ITPR1: variants seen among roughly 807,000 people sequenced by gnomAD.
The protein encoded by ITPR1 is inositol 1,4,5-trisphosphate receptor type 1.
ITPR1 carries 96 observed loss-of-function variants against 318.4 expected under a neutral mutation model. That is an observed-to-expected ratio of 0.30 (90% CI 0.26 to 0.36). The LOEUF (loss-of-function observed/expected upper bound fraction) is 0.36. ITPR1 is among the 10% of genes least tolerant of loss of function. The pLI is 1.00. For missense variants in ITPR1, 2,440 were observed against 3,460.2 expected, an observed-to-expected ratio of 0.71 and a Z score of 7.40; for synonymous variants, 1,312 against 1,289.9, an observed-to-expected ratio of 1.02 and a Z score of -0.37.
chr3:4,814,351 A>T, intron 57 of ITPR1, 72 bp from the exon 58 acceptor site: 1 of 1,495,438 alleles, frequency 6.7e-7, no homozygotes, highest in Non-Finnish European at 9.3e-7. Flanking sequence ...CATTCAGGAA[A>T]CAGGATTTCA....
At chr3:4,621,713 T>C (rs1361358577) in intron 4 of ITPR1, among the ~76,000 whole-genome samples, 1 of 152,244 alleles carries the variant, frequency 6.6e-6, no homozygotes, top group Non-Finnish European at 1.5e-5. Context: ...CTTCTGCAGC[T>C]CTAGCCTTTG....
At chr3:4,495,139 A>G (rs1331870305) in intron 2 of ITPR1, among the ~76,000 whole-genome samples, 3 of 152,142 alleles carry the variant, frequency 2.0e-5, no homozygotes, top group Non-Finnish European at 4.4e-5. Context: ...TAAACACAAC[A>G]GTTCCTATTT....
intron 4 of ITPR1, among the ~76,000 whole-genome samples, chr3:4,540,019 A>T (rs2084282020): frequency 6.6e-6 from 1 of 150,490 alleles, no homozygotes; most frequent in African/African-American, 2.4e-5. Context: ...ACTTACAGTG[A>T]ATTTTACTAT....
At chr3:4,625,754 T>TTAC in intron 4 of ITPR1, among the ~76,000 whole-genome samples, 1 of 152,226 alleles carries the variant, frequency 6.6e-6, no homozygotes, top group East Asian at 1.9e-4. Context: ...AGGCGGGGTT[T>TTAC]CACCATGTTA....
chr3:4,678,205 A>T (rs2094223020), intron 24 of ITPR1, among the ~76,000 whole-genome samples: 1 of 152,202 alleles, frequency 6.6e-6, no homozygotes, highest in Non-Finnish European at 1.5e-5. Flanking sequence ...AAGACAGCTT[A>T]AGTAAAGGAG....
rs1456021341 is a variant in ITPR1 at position 4,814,456 on chromosome 3, A to T, written c.7595A>T (p.Lys2532Ile). 6.2e-7 allele frequency: 1 copy of T among 1,613,970 alleles called. No individual in the cohort carries two copies. The highest frequency in any genetic ancestry group is 1.1e-5 in the South Asian group (1 of 91,078). Residue 2532 changes from lysine to isoleucine, a missense_variant, in exon 58 of 62, where the codon AAA becomes ATA. Lys to Ile is a moderately radical substitution (Grantham distance 102). Coordinates refer to ENST00000649015, the MANE Select transcript of ITPR1 (RefSeq NM_001378452.1). ...LVPAEETEQDKEHTCETLLMC... is the reference protein window; with the variant it reads ...LVPAEETEQDIEHTCETLLMC... ...CCTGCAGAAGAGACGGAACAGGATA[A>T]AGAGCACACATGTGAGACGCTGCTG...
At chr3:4,649,313 A>T (rs1169823784) in intron 10 of ITPR1, among the ~76,000 whole-genome samples, 2 of 152,192 alleles carry the variant, frequency 1.3e-5, no homozygotes, top group Non-Finnish European at 2.9e-5. Flanking sequence ...ATTTCATAGG[A>T]AGACGTTGAA....
At chr3:4,544,348 G>C (rs1243514824) in intron 4 of ITPR1, among the ~76,000 whole-genome samples, 1 of 152,196 alleles carries the variant, frequency 6.6e-6, no homozygotes, top group African/African-American at 2.4e-5. Context: ...TTTGTCGACA[G>C]TACAGGTAAT....
At chr3:4,784,559 GT>G (rs1477571853) in intron 51 of ITPR1, among the ~76,000 whole-genome samples, 1 of 147,440 alleles carries the variant, frequency 6.8e-6, no homozygotes, top group East Asian at 1.9e-4. Context: ...TCAGATCTGT[GT>G]TTTTTGTTTT....
At chr3:4,548,977 G>A (rs2085293640) in intron 4 of ITPR1, among the ~76,000 whole-genome samples, 1 of 152,136 alleles carries the variant, frequency 6.6e-6, no homozygotes, top group East Asian at 1.9e-4. Context: ...TGTTACCAAG[G>A]AGTCACTTTT....
chr3:4,571,605 A>G (rs930878288), intron 4 of ITPR1, among the ~76,000 whole-genome samples: 1 of 152,140 alleles, frequency 6.6e-6, no homozygotes, highest in Non-Finnish European at 1.5e-5. Flanking sequence ...AAGTGCTGGG[A>G]TTATAGGTGT....
At chr3:4,559,009 A>G (rs2086415378) in intron 4 of ITPR1, among the ~76,000 whole-genome samples, 1 of 152,114 alleles carries the variant, frequency 6.6e-6, no homozygotes, top group African/African-American at 2.4e-5. Context: ...TTGAAAAAAT[A>G]CTTTTTAATT....
Position 4,576,130 on chromosome 3 carries a change from A to G in ITPR1, c.164-51633A>G, listed in dbSNP as rs146799617. On this transcript the variant is annotated intron_variant, in intron 4 of 61. Transcript: ENST00000649015. ...TATAATGAATGAACAAAATCATAAT[A>G]GGCAATAATTAATATAGGAAACATT... is the stretch of plus-strand genomic sequence containing the variant. Among the ~76,000 whole-genome samples the G allele has an allele frequency of 1.2e-3, 179 of 152,348 alleles. 1 individual carries two copies. Among genetic ancestry groups the G allele is most frequent in the African/African-American group, 4.0e-3 (167 of 41,580 alleles).
intron 55 of ITPR1, 73 bp downstream of exon 55, chr3:4,806,340 C>G: frequency 1.4e-6 from 2 of 1,394,460 alleles, no homozygotes; most frequent in Admixed American, 3.4e-5. Flanking sequence ...TCTCTCATCA[C>G]AGACCCTTCC....
intron 44 of ITPR1, among the ~76,000 whole-genome samples, chr3:4,758,076 A>G (rs1474249284): frequency 6.6e-6 from 1 of 152,084 alleles, no homozygotes; most frequent in African/African-American, 2.4e-5. Flanking sequence ...TGGCAGCCAC[A>G]TTTTTCAAAT....
intron 4 of ITPR1, among the ~76,000 whole-genome samples, chr3:4,606,741 T>A (rs2091732835): frequency 6.6e-6 from 1 of 152,192 alleles, no homozygotes; most frequent in South Asian, 2.1e-4. Context: ...TCTGTAGCTA[T>A]CTGCTTAGGA....
chr3:4,748,312 AG>A (rs2044254354), intron 44 of ITPR1, among the ~76,000 whole-genome samples: 1 of 152,214 alleles, frequency 6.6e-6, no homozygotes, highest in Non-Finnish European at 1.5e-5. Flanking sequence ...ACTAGAGAGC[AG>A]TGTCTATCTT....
intron 53 of ITPR1, 48 bp downstream of exon 53, chr3:4,795,235 G>T (rs371743414): frequency 9.5e-6 from 15 of 1,579,800 alleles, no homozygotes; most frequent in Non-Finnish European, 1.3e-5. Flanking sequence ...CAGCAGGAAG[G>T]CTAGGACTTG....
intron 2 of ITPR1, among the ~76,000 whole-genome samples, chr3:4,515,917 C>T (rs901846892): frequency 2.0e-5 from 3 of 152,160 alleles, no homozygotes; most frequent in African/African-American, 7.2e-5. Flanking sequence ...TTGTGGAATT[C>T]TGAAAAGGCC....
Sources: allele counts gnomAD v4.1 joint callset (sites outside exome capture counted in the v4.1 genomes callset), GRCh38; gene constraint gnomAD v4.1.1; transcripts MANE v1.5; gene names NCBI Gene and HGNC (gene_info 2026-07-23, HGNC 2026-07-21).